The following AGFG2 variants were observed in gnomAD, a reference collection of about 807,000 sequenced individuals.
AGFG2 encodes ArfGAP with FG repeats 2, also known as arf-GAP domain and FG repeat-containing protein 2.
A neutral mutation model predicts 48.0 loss-of-function variants in AGFG2; 31 were observed. The ratio of observed to expected loss-of-function variants is 0.65; its 90% CI spans 0.49 to 0.87. The LOEUF is 0.87. Among genes scored for constraint, AGFG2 ranks in the 40% least tolerant of loss-of-function variants. The probability of loss-of-function intolerance (pLI) is 0.00; values close to 1 mark genes in which losing one functional copy is unlikely to be tolerated. For missense variants in AGFG2, 599 were observed against 632.6 expected (o/e 0.95, Z 0.57); for synonymous variants, 229 against 260.8 (o/e 0.88, Z 1.18).
rs1584393386 is a variant in AGFG2 at position 100,564,270 on chromosome 7, C to G, written c.1353C>G (p.Ser451Arg). Residue 451 changes from serine (S) to arginine (R), a missense_variant, in exon 11 of 12, where the codon AGC (serine) becomes AGG (arginine). Ser to Arg is a moderately radical substitution (Grantham distance 110). Coordinates refer to ENST00000300176, the MANE Select transcript of AGFG2 (RefSeq NM_006076.5). ...CCAAGTTGGGGCAGAGGCCACTGAG[C>G]CAGCCAGCTGGGATCTCCACCAACC... ...GSAKLGQRPLSQPAGISTNPF... is the reference protein window; with the variant it reads ...GSAKLGQRPLRQPAGISTNPF... The G allele has an allele frequency of 1.9e-6, 3 of 1,613,880 alleles. No individual in the cohort carries two copies.
At chr7:100,564,047 G>A (rs1413005058) in intron 10 of AGFG2, 85 bp downstream of exon 10, 15 of 1,576,352 alleles carry the variant, frequency 9.5e-6, no homozygotes, top group African/African-American at 1.3e-5. Flanking sequence ...CCTCATCAGA[G>A]CCCATGCAGT....
chr7:100,560,218 G>A (rs1162476567), intron 6 of AGFG2, among the ~76,000 whole-genome samples: 1 of 150,250 alleles, frequency 6.7e-6, no homozygotes, highest in African/African-American at 2.5e-5. Flanking sequence ...TTGCCCTGTC[G>A]CCCAGGCTGG....
chr7:100,542,156 C>T (rs970924797), intron 1 of AGFG2, among the ~76,000 whole-genome samples: 1 of 152,134 alleles, frequency 6.6e-6, no homozygotes. Context: ...GCTGAGACTA[C>T]AGGCACGCGC....
intron 9 of AGFG2, 41 bp from the exon 10 acceptor site, chr7:100,563,793 T>A: frequency 2.5e-6 from 4 of 1,607,316 alleles, no homozygotes; most frequent in Non-Finnish European, 3.4e-6. Context: ...CCAGCCCACC[T>A]TCCAGAAGTT....
chr7:100,548,148 C>A (rs537495236), intron 1 of AGFG2, among the ~76,000 whole-genome samples: 35 of 152,060 alleles, frequency 2.3e-4, no homozygotes, highest in Non-Finnish European at 3.8e-4. Flanking sequence ...AGAAGTACCC[C>A]CCTCGGCCTA....
At chr7:100,549,196 C>A (rs531248570) in intron 2 of AGFG2, among the ~76,000 whole-genome samples, 1 of 152,184 alleles carries the variant, frequency 6.6e-6, no homozygotes, top group Non-Finnish European at 1.5e-5. Context: ...AGCTCCAGAG[C>A]GTGAGCATTC....
Position 100,539,462 on chromosome 7 carries a change from G to A in AGFG2, c.116G>A (p.Cys39Tyr). Residue 39 changes from cysteine (C) to tyrosine (Y), a missense_variant, in exon 1 of 12, where the codon TGC becomes TAC. Cys to Tyr is a radical substitution (Grantham distance 194). Transcript: ENST00000300176. ...CGTCGGGTGCGGGAGCTGGGTGGCTGCAGCCAGGCCGGGAACCGCCACTGC... is the reference window on the plus strand; with the variant it reads ...CGTCGGGTGCGGGAGCTGGGTGGCTACAGCCAGGCCGGGAACCGCCACTGC... ...WCRRVRELGG[C>Y]SQAGNRHCFE... is the part of the protein sequence containing the mutation. 7.6e-7 allele frequency: 1 copy of A among 1,319,814 alleles called. No homozygotes were observed. Among genetic ancestry groups the A allele is most frequent in the Non-Finnish European group, 9.7e-7 (1 of 1,030,556 alleles). The allele number at this position is 1,319,814 out of a possible 1,614,324, so 81.8% of individuals were successfully genotyped here.
chr7:100,554,813 C>T (rs1800724091), intron 5 of AGFG2, among the ~76,000 whole-genome samples: 1 of 151,974 alleles, frequency 6.6e-6, no homozygotes, highest in African/African-American at 2.4e-5. Flanking sequence ...TGGCATGTGC[C>T]TGTAGTCCCA....
In AGFG2 at chr7:100,562,322, T is replaced by C; in HGVS notation, c.941T>C (p.Leu314Pro). The C allele has an allele frequency of 6.2e-7, 1 of 1,614,054 alleles. No individual in the cohort carries two copies. The highest frequency in any genetic ancestry group is 8.5e-7 in the Non-Finnish European group (1 of 1,180,000). The change falls in exon 7 of 12, where the codon CTC becomes CCC. Residue 314 changes from leucine to proline, a missense_variant. Transcript: ENST00000300176. The surrounding 1 kb of genome is among the most constrained non-coding windows in gnomAD (Gnocchi z 5.4). ...PLAPASQPNS[L>P]ADVGSFLGPG... is the part of the protein sequence containing the mutation. Reference sequence around the variant, plus strand: ...GCACCCGCCAGTCAGCCAAACAGCCTCGCAGACGTGGGCAGCTTCCTGGGA... The same window carrying C: ...GCACCCGCCAGTCAGCCAAACAGCCCCGCAGACGTGGGCAGCTTCCTGGGA...
chr7:100,542,162 C>T (rs541571191), intron 1 of AGFG2, among the ~76,000 whole-genome samples: 38 of 152,204 alleles, frequency 2.5e-4, no homozygotes, highest in African/African-American at 8.4e-4. Flanking sequence ...ACTACAGGCA[C>T]GCGCTACCAC....
chr7:100,551,066 ATTTCTT>A (rs1374689187), intron 3 of AGFG2, among the ~76,000 whole-genome samples: 2 of 69,718 alleles, frequency 2.9e-5, no homozygotes, highest in Non-Finnish European at 5.5e-5. Flanking sequence ...ATATATATAT[ATTTCTT>A]TTTTTTTTTT....
At chr7:100,555,508 A>C (rs1584387315) in intron 5 of AGFG2, 102 bp from the exon 6 acceptor site, 2 of 1,316,602 alleles carry the variant, frequency 1.5e-6, no homozygotes, top group East Asian at 5.0e-5. Context: ...TCTGACCTCA[A>C]GTGATCTGCC....
chr7:100,565,116 C>A lies in AGFG2; in HGVS notation c.*125C>A. 1 of 1,127,294 alleles carries A rather than the reference C, an allele frequency of 8.9e-7. No homozygotes were observed. Among genetic ancestry groups the A allele is most frequent in the Non-Finnish European group, 1.3e-6 (1 of 747,442 alleles). 69.8% of individuals were successfully genotyped at this position (1,127,294 alleles called of 1,614,324 possible). A position where few individuals can be genotyped will look rare whatever the true frequency, so the allele number is the denominator to read the frequency against. On this transcript the variant is annotated 3_prime_UTR_variant, in exon 12 of 12. Transcript: ENST00000300176. ...GGATGGTGGAGGTGCTAATGCTTTGCTTGGGGCCTACAGGTGAAAGGTGGC... is the reference window on the plus strand; with the variant it reads ...GGATGGTGGAGGTGCTAATGCTTTGATTGGGGCCTACAGGTGAAAGGTGGC...
chr7:100,564,635 C>T (rs1422785851), intron 11 of AGFG2, among the ~76,000 whole-genome samples: 1 of 151,924 alleles, frequency 6.6e-6, no homozygotes, highest in Non-Finnish European at 1.5e-5. Context: ...TCCCAAGTAG[C>T]AGGGACTACA....
chr7:100,550,594 GC>G, intron 3 of AGFG2, 83 bp downstream of exon 3: 1 of 1,111,416 alleles, frequency 9.0e-7, no homozygotes, highest in Non-Finnish European at 1.3e-6. Context: ...GTTGAATTTG[GC>G]CTTCTCACAA....
intron 1 of AGFG2, among the ~76,000 whole-genome samples, chr7:100,543,055 G>C (rs1157586615): frequency 1.3e-5 from 2 of 151,846 alleles, no homozygotes; most frequent in Non-Finnish European, 1.5e-5. Flanking sequence ...GCAAAGAGAA[G>C]AAATATTATT....
chr7:100,558,512 T>C (rs998832179), intron 6 of AGFG2, among the ~76,000 whole-genome samples: 5 of 151,516 alleles, frequency 3.3e-5, no homozygotes, highest in African/African-American at 1.2e-4. Context: ...AATTGATTGC[T>C]CTAAAGACAG....
At chr7:100,558,552 T>G (rs967579510) in intron 6 of AGFG2, among the ~76,000 whole-genome samples, 70 of 151,738 alleles carry the variant, frequency 4.6e-4, no homozygotes, top group African/African-American at 1.4e-3. Flanking sequence ...TTTGTTTTTT[T>G]TTTTTTTTAG....
chr7:100,562,380 G>A lies in AGFG2; in HGVS notation c.998+1G>A. The A allele has an allele frequency of 6.2e-7, 1 of 1,613,614 alleles. No homozygotes were observed. Among genetic ancestry groups the A allele is most frequent in the East Asian group, 2.2e-5 (1 of 44,876 alleles). The stretch of plus-strand genomic sequence containing the variant: ...TGCCCGCTGCAGGTGTTCCTAGCAG[G>A]TAGGTACAGACAGTGGGCAGTCTGC... On this transcript the variant is annotated splice_donor_variant, in intron 7 of 11. Coordinates refer to ENST00000300176, the MANE Select transcript of AGFG2 (RefSeq NM_006076.5). LOFTEE classifies it high-confidence loss of function. The surrounding 1 kb of genome is among the most constrained non-coding windows in gnomAD (Gnocchi z 5.4).
Sources: allele counts gnomAD v4.1 joint callset (sites outside exome capture counted in the v4.1 genomes callset), GRCh38; gene constraint gnomAD v4.1.1; non-coding constraint Gnocchi (gnomAD v3.1); transcripts MANE v1.5; gene names NCBI Gene and HGNC (gene_info 2026-07-23, HGNC 2026-07-21).